Variants in PARD3 observed in about 807,000 individuals in gnomAD.
PARD3 encodes par-3 family cell polarity regulator.
PARD3 carries 75 observed loss-of-function variants against 155.4 expected under a neutral mutation model. That is an observed-to-expected ratio of 0.48 (90% CI 0.40 to 0.58). The LOEUF is 0.58. Ranked by LOEUF, PARD3 falls within the 20% of genes least tolerant of loss-of-function variation. The pLI, the probability that PARD3 is intolerant of heterozygous loss-of-function variation, is 0.00. For synonymous variants in PARD3, 576 were observed against 610.5 expected (o/e 0.94, Z 0.83); for missense variants, 1,642 against 1,721.7 (o/e 0.95, Z 0.82).
intron 3 of PARD3, among the ~76,000 whole-genome samples, chr10:34,502,797 T>C (rs1297293338): frequency 1.3e-5 from 2 of 152,082 alleles, no homozygotes; most frequent in Admixed American, 6.6e-5. Flanking sequence ...ATTAAACTAA[T>C]TTCCCACTTT....
intron 1 of PARD3, among the ~76,000 whole-genome samples, chr10:34,748,509 G>A (rs767861926): frequency 6.6e-6 from 1 of 151,784 alleles, no homozygotes; most frequent in Non-Finnish European, 1.5e-5. Flanking sequence ...AGGAAAGGAA[G>A]CTCTGTTCTC....
intron 22 of PARD3, among the ~76,000 whole-genome samples, chr10:34,147,209 T>C (rs1403470593): frequency 6.6e-6 from 1 of 152,110 alleles, no homozygotes. Flanking sequence ...ACCCCCCACC[T>C]CACCCCGATA....
intron 22 of PARD3, among the ~76,000 whole-genome samples, chr10:34,148,517 T>A (rs759851782): frequency 6.6e-6 from 1 of 152,186 alleles, no homozygotes; most frequent in Non-Finnish European, 1.5e-5. Context: ...CAACATTGTT[T>A]CTATAGGTTT....
intron 22 of PARD3, among the ~76,000 whole-genome samples, chr10:34,206,056 G>C (rs1951464078): frequency 6.6e-6 from 1 of 152,048 alleles, no homozygotes; most frequent in Non-Finnish European, 1.5e-5. Context: ...AGATCCACAT[G>C]GATCATTTAA....
At chr10:34,652,860 G>A (rs1032529303) in intron 2 of PARD3, among the ~76,000 whole-genome samples, 11 of 152,202 alleles carry the variant, frequency 7.2e-5, no homozygotes, top group Admixed American at 2.0e-4. Flanking sequence ...TTAACAGTGC[G>A]TAAGTGGGTT....
chr10:34,338,879 GCCCC>G (rs1836488852), intron 16 of PARD3, among the ~76,000 whole-genome samples: 1 of 152,128 alleles, frequency 6.6e-6, no homozygotes. Context: ...TAAGGTGAAA[GCCCC>G]ATGTAAATTG....
chr10:34,260,171 C>T (rs749221655), intron 22 of PARD3, among the ~76,000 whole-genome samples: 1 of 152,152 alleles, frequency 6.6e-6, no homozygotes, highest in African/African-American at 2.4e-5. Context: ...GATGGGTTTT[C>T]GCCATGTTGC....
intron 5 of PARD3, among the ~76,000 whole-genome samples, chr10:34,436,845 T>C (rs184122747): frequency 4.6e-5 from 7 of 151,972 alleles, no homozygotes; most frequent in Admixed American, 1.3e-4. Context: ...GATACTGTAG[T>C]AGTATTTATA....
intron 20 of PARD3, among the ~76,000 whole-genome samples, chr10:34,285,502 G>C (rs916239849): frequency 6.6e-6 from 1 of 152,078 alleles, no homozygotes; most frequent in African/African-American, 2.4e-5. Context: ...GCTTGAGCCT[G>C]GGAGTTCGAA....
intron 2 of PARD3, among the ~76,000 whole-genome samples, chr10:34,683,487 C>T (rs754406524): frequency 1.3e-5 from 2 of 150,454 alleles, no homozygotes; most frequent in Non-Finnish European, 3.0e-5. Flanking sequence ...GTAAAGACAG[C>T]GTGAAGCCGG....
intron 2 of PARD3, among the ~76,000 whole-genome samples, chr10:34,529,528 C>A (rs1426548440): frequency 1.3e-5 from 2 of 152,172 alleles, no homozygotes; most frequent in African/African-American, 4.8e-5. Context: ...AAACCCCCCA[C>A]ACAGTCGAAA....
At chr10:34,806,197 ATTT>A (rs34269930) in intron 1 of PARD3, among the ~76,000 whole-genome samples, 64 of 130,348 alleles carry the variant, frequency 4.9e-4, no homozygotes, top group African/African-American at 1.6e-3. Flanking sequence ...TGTCTGGCTA[ATTT>A]TTTTTTTTTT....
At chr10:34,536,644 T>G (rs563154296) in intron 2 of PARD3, among the ~76,000 whole-genome samples, 2 of 152,320 alleles carry the variant, frequency 1.3e-5, no homozygotes, top group South Asian at 4.1e-4. Flanking sequence ...CCTGAAAACA[T>G]CTCACAATCT....
At chr10:34,474,621 C>T (rs1217757613) in intron 3 of PARD3, among the ~76,000 whole-genome samples, 1 of 152,110 alleles carries the variant, frequency 6.6e-6, no homozygotes, top group African/African-American at 2.4e-5. Context: ...GAAAAACATG[C>T]GACCCACGTC....
chr10:34,598,152 C>A (rs2089459558), intron 2 of PARD3, among the ~76,000 whole-genome samples: 1 of 152,152 alleles, frequency 6.6e-6, no homozygotes, highest in African/African-American at 2.4e-5. Context: ...TATGCACATT[C>A]ATATCATCTA....
chr10:34,521,077 A>C (rs1189195862), intron 2 of PARD3, among the ~76,000 whole-genome samples: 4 of 152,216 alleles, frequency 2.6e-5, no homozygotes, highest in African/African-American at 9.6e-5. Context: ...TCCTTTCTGC[A>C]AACTGAAAAT....
chr10:34,652,677 A>C (rs2133068822), intron 2 of PARD3, among the ~76,000 whole-genome samples: 1 of 152,310 alleles, frequency 6.6e-6, no homozygotes, highest in South Asian at 2.1e-4. Flanking sequence ...CCTAACAAGG[A>C]AATGACTGCC....
chr10:34,653,794 C>CA (rs55894819), intron 2 of PARD3, among the ~76,000 whole-genome samples: 41,194 of 130,042 alleles, frequency 0.32, 6,255 homozygotes, highest in South Asian at 0.41. Flanking sequence ...ACCTCGACTC[C>CA]AAAAAAAAAA....
At chr10:34,504,901 T>G (rs1271672940) in intron 3 of PARD3, among the ~76,000 whole-genome samples, 3 of 152,146 alleles carry the variant, frequency 2.0e-5, no homozygotes, top group Non-Finnish European at 2.9e-5. Context: ...CTATATCAAG[T>G]GCAGCGAGAA....
Sources: allele counts gnomAD v4.1 joint callset (sites outside exome capture counted in the v4.1 genomes callset), GRCh38; gene constraint gnomAD v4.1.1; transcripts MANE v1.5; gene names NCBI Gene and HGNC (gene_info 2026-07-23, HGNC 2026-07-21).